CNGB3: variants seen among roughly 807,000 people sequenced by gnomAD.
CNGB3 encodes the protein cyclic nucleotide-gated channel beta-3.
Under a neutral mutation model 92.8 loss-of-function variants are expected in CNGB3, and 86 were observed. The observed-to-expected ratio is 0.93, with a 90% CI of 0.78 to 1.11. CNGB3 has a LOEUF of 1.11. Among genes scored for constraint, CNGB3 ranks in the 50% least tolerant of loss-of-function variants. CNGB3 has a pLI of 0.00. For missense variants in CNGB3, 1,026 were observed against 956.8 expected (o/e 1.07, Z -0.95); for synonymous variants, 333 against 332.7 (o/e 1.00, Z -0.01).
At chr8:86,593,106 A>G (rs1002225023) in intron 15 of CNGB3, among the ~76,000 whole-genome samples, 3 of 152,182 alleles carry the variant, frequency 2.0e-5, no homozygotes, top group Non-Finnish European at 2.9e-5. Flanking sequence ...GAATGTCTGC[A>G]CATACAGATT....
At chr8:86,633,622 C>G (rs563720513) in intron 10 of CNGB3, among the ~76,000 whole-genome samples, 1 of 152,108 alleles carries the variant, frequency 6.6e-6, no homozygotes, top group African/African-American at 2.4e-5. Flanking sequence ...ATTTGTCAGT[C>G]AAGTCACTAA....
At chr8:86,684,393 C>G (rs1478147335) in intron 3 of CNGB3, among the ~76,000 whole-genome samples, 1 of 152,034 alleles carries the variant, frequency 6.6e-6, no homozygotes, top group East Asian at 1.9e-4. Context: ...TACACTGCTG[C>G]TTGGAATGTA....
At chr8:86,624,650 C>A (rs190670139) in intron 13 of CNGB3, among the ~76,000 whole-genome samples, 9 of 152,176 alleles carry the variant, frequency 5.9e-5, no homozygotes, top group Non-Finnish European at 1.5e-5. Context: ...TCTCTCTCCT[C>A]TCCCATCTGC....
intron 14 of CNGB3, 141 bp downstream of exon 14, chr8:86,611,447 G>C: frequency 2.8e-6 from 2 of 702,310 alleles, no homozygotes; most frequent in East Asian, 5.4e-5. Context: ...CGTTATTGCT[G>C]TACAGAGCTA....
At chr8:86,604,459 T>C (rs1822376230) in intron 14 of CNGB3, among the ~76,000 whole-genome samples, 2 of 152,186 alleles carry the variant, frequency 1.3e-5, no homozygotes, top group Non-Finnish European at 2.9e-5. Context: ...CTTGGATACA[T>C]GAAGATATTT....
intron 13 of CNGB3, among the ~76,000 whole-genome samples, chr8:86,623,739 A>G (rs533242385): frequency 7.9e-5 from 12 of 152,322 alleles, no homozygotes; most frequent in Admixed American, 3.9e-4. Flanking sequence ...CACCCAACCT[A>G]CACTTACTTT....
intron 3 of CNGB3, among the ~76,000 whole-genome samples, chr8:86,705,140 T>C (rs1279381433): frequency 6.6e-6 from 1 of 152,176 alleles, no homozygotes; most frequent in Non-Finnish European, 1.5e-5. Context: ...GAATTCTAAT[T>C]AACTGCTGAA....
rs368342556 is a variant in CNGB3, at chr8:86,632,747, C to G, written c.1320+5G>C. On this transcript the variant is annotated splice_donor_5th_base_variant and intron_variant, in intron 11 of 17. Coordinates refer to ENST00000320005, the MANE Select transcript of CNGB3 (RefSeq NM_019098.5). ...TGTGTATCCAGTGATTCATACTCAGCTTACCTGACCAATTAAACTGGAGAA... is the reference window on the plus strand; with the variant it reads ...TGTGTATCCAGTGATTCATACTCAGGTTACCTGACCAATTAAACTGGAGAA... 7 of 1,612,964 alleles carry G rather than the reference C, an allele frequency of 4.3e-6. No homozygotes were observed. The highest frequency in any genetic ancestry group is 5.9e-6 in the Non-Finnish European group (7 of 1,179,644).
intron 3 of CNGB3, among the ~76,000 whole-genome samples, chr8:86,676,992 A>T (rs931425427): frequency 1.6e-4 from 25 of 152,144 alleles, no homozygotes; most frequent in African/African-American, 5.3e-4. Context: ...AATTTTTTTT[A>T]AAAAAGCCTA....
rs750349839 is a variant in CNGB3, at chr8:86,743,568, A to G, written c.60T>C (p.Asn20=). 1 of 1,614,040 alleles carries G rather than the reference A, an allele frequency of 6.2e-7. No homozygotes were observed. Among genetic ancestry groups the G allele is most frequent in the Non-Finnish European group, 8.5e-7 (1 of 1,179,910 alleles). The part of the protein sequence containing the change: ...KVKPIGENNE[N]EQSSRRNEEG... ...CTTCATTCCGACGAGAACTTTGTTC[A>G]TTCTCATTGTTCTCTCCTATAGGCT... Residue 20 remains asparagine, a synonymous_variant, in exon 1 of 18, where the codon AAT becomes AAC. Transcript: ENST00000320005.
chr8:86,582,874 C>A (rs1821816534), intron 15 of CNGB3, among the ~76,000 whole-genome samples: 1 of 151,836 alleles, frequency 6.6e-6, no homozygotes, highest in South Asian at 2.1e-4. Context: ...AAACTCAGGT[C>A]TACACAAAGA....
chr8:86,718,784 T>C (rs562154407), intron 3 of CNGB3, among the ~76,000 whole-genome samples: 1 of 144,952 alleles, frequency 6.9e-6, no homozygotes, highest in East Asian at 2.1e-4. Context: ...AATTACTAGC[T>C]AACCAAACCT....
chr8:86,617,806 C>T (rs1822647081), intron 13 of CNGB3, among the ~76,000 whole-genome samples: 1 of 152,112 alleles, frequency 6.6e-6, no homozygotes, highest in Non-Finnish European at 1.5e-5. Flanking sequence ...GTCTTTTTGG[C>T]ACCAGGGACC....
intron 3 of CNGB3, among the ~76,000 whole-genome samples, chr8:86,672,602 C>G (rs1022299384): frequency 3.3e-5 from 5 of 152,136 alleles, no homozygotes; most frequent in Admixed American, 6.6e-5. Flanking sequence ...CCCTTCCCAT[C>G]TCACCTCCAA....
In CNGB3 at chr8:86,678,837, C is replaced by T. The variant is rs371330609; in HGVS notation, c.339-7739G>A. ...CTGCCTATATACACAAAAATCAACA[C>T]ACATAACCAATGGCAACCCTTCCAA... On this transcript the variant is annotated intron_variant, in intron 3 of 17. Transcript: ENST00000320005. Among the ~76,000 whole-genome samples the T allele has an allele frequency of 1.6e-4, 24 of 152,250 alleles. No homozygotes were observed. The South Asian group carries it at 5.0e-3, about 32-fold the overall frequency.
intron 10 of CNGB3, 133 bp downstream of exon 10, chr8:86,643,618 T>C (rs1387927015): frequency 1.5e-5 from 14 of 948,494 alleles, no homozygotes; most frequent in Non-Finnish European, 2.2e-5. Context: ...TATCCTTTTT[T>C]ATGGCCAAAT....
chr8:86,685,085 TG>T (rs1824159972), intron 3 of CNGB3, among the ~76,000 whole-genome samples: 1 of 152,164 alleles, frequency 6.6e-6, no homozygotes. Flanking sequence ...GTGAGATTAT[TG>T]TACTATAGTT....
At chr8:86,699,458 G>A (rs1399277260) in intron 3 of CNGB3, among the ~76,000 whole-genome samples, 1 of 152,074 alleles carries the variant, frequency 6.6e-6, no homozygotes, top group Non-Finnish European at 1.5e-5. Context: ...GCAACATAGT[G>A]AGACCCCATC....
chr8:86,589,461 C>T (rs1240916981), intron 15 of CNGB3, among the ~76,000 whole-genome samples: 1 of 151,430 alleles, frequency 6.6e-6, no homozygotes, highest in Non-Finnish European at 1.5e-5. Flanking sequence ...TTCCTGCTTT[C>T]TCTTGCGGGC....
Sources: allele counts gnomAD v4.1 joint callset (sites outside exome capture counted in the v4.1 genomes callset), GRCh38; gene constraint gnomAD v4.1.1; transcripts MANE v1.5; gene names NCBI Gene and HGNC (gene_info 2026-07-23, HGNC 2026-07-21).